Variants in KDM2A observed in about 807,000 individuals in gnomAD.
KDM2A encodes lysine demethylase 2A, also known as lysine-specific demethylase 2A.
A neutral mutation model predicts 137.3 loss-of-function variants in KDM2A; 3 were observed. That is an observed-to-expected ratio of 0.02 (90% CI 0.01 to 0.06). KDM2A has a LOEUF of 0.06. Among genes scored for constraint, KDM2A ranks in the 10% least tolerant of loss-of-function variants. KDM2A has a pLI of 1.00. For synonymous variants in KDM2A, 512 were observed against 541.5 expected, an observed-to-expected ratio of 0.95 and a Z score of 0.76; for missense variants, 738 against 1,510.6, an observed-to-expected ratio of 0.49 and a Z score of 8.48.
chr11:67,230,443 C>T (rs1021217979), intron 11 of KDM2A, among the ~76,000 whole-genome samples: 7 of 152,062 alleles, frequency 4.6e-5, no homozygotes, highest in South Asian at 4.1e-4. Flanking sequence ...GCCTGGGCAA[C>T]ATGACCAGAC....
intron 12 of KDM2A, chr11:67,240,066 A>G: frequency 7.6e-7 from 1 of 1,318,638 alleles, no homozygotes; most frequent in Non-Finnish European, 9.7e-7. Flanking sequence ...CATTTCTGGG[A>G]GCTGCATGTG....
intron 2 of KDM2A, among the ~76,000 whole-genome samples, chr11:67,151,998 G>C (rs1050284896): frequency 1.3e-5 from 2 of 152,048 alleles, no homozygotes; most frequent in African/African-American, 4.8e-5. Context: ...GTGATTTACT[G>C]GGTTAAATAA....
intron 2 of KDM2A, among the ~76,000 whole-genome samples, chr11:67,155,739 C>G (rs1270267401): frequency 5.3e-5 from 8 of 151,662 alleles, no homozygotes; most frequent in Admixed American, 5.3e-4. Flanking sequence ...GCCTCAGCCT[C>G]CTAAGTAGCT....
chr11:67,208,957 C>T (rs762179266), intron 6 of KDM2A, among the ~76,000 whole-genome samples: 7 of 150,888 alleles, frequency 4.6e-5, no homozygotes, highest in African/African-American at 7.3e-5. Flanking sequence ...TTTTTGAGGC[C>T]GAGTCTCACA....
chr11:67,217,157 G>A (rs529487068), intron 8 of KDM2A, among the ~76,000 whole-genome samples: 134 of 149,540 alleles, frequency 9.0e-4, no homozygotes, highest in African/African-American at 3.1e-3. Context: ...CAGGAGAATC[G>A]CTTGAACCCA....
chr11:67,143,020 C>CTTT (rs1194089199), intron 2 of KDM2A, among the ~76,000 whole-genome samples: 11 of 126,428 alleles, frequency 8.7e-5, no homozygotes, highest in African/African-American at 2.2e-4. Flanking sequence ...TATATCTATT[C>CTTT]TTTTTTTTTT....
intron 2 of KDM2A, among the ~76,000 whole-genome samples, chr11:67,154,305 CAG>C (rs746785377): frequency 2.8e-4 from 42 of 152,148 alleles, no homozygotes; most frequent in Admixed American, 2.0e-3. Flanking sequence ...ATTTGTGTAA[CAG>C]AAAATTAACC....
rs1302258855 is a variant in KDM2A at position 67,258,034 on chromosome 11, TG to T, written c.*2984del. ...TTTTAATTTAGGTTTTGTTTTTGTTTGGGGGTTTTTGTTTTTTTAAAAAAAT... is the reference window on the plus strand; with the variant it reads ...TTTTAATTTAGGTTTTGTTTTTGTTTGGGGTTTTTGTTTTTTTAAAAAAAT... On this transcript the variant is annotated 3_prime_UTR_variant, in exon 21 of 21. Coordinates refer to ENST00000529006, the MANE Select transcript of KDM2A (RefSeq NM_012308.3). 6.6e-6 allele frequency: 1 copy of T among 152,206 alleles called. No individual in the cohort carries two copies. Among genetic ancestry groups the T allele is most frequent in the Non-Finnish European group, 1.5e-5 (1 of 68,036 alleles). The allele number at this position is 152,206 out of a possible 1,614,324, so 9.4% of individuals were successfully genotyped here. A position where few individuals can be genotyped will look rare whatever the true frequency, so the allele number is the denominator to read the frequency against.
chr11:67,192,497 T>G (rs1366291493), intron 5 of KDM2A, among the ~76,000 whole-genome samples: 1 of 130,354 alleles, frequency 7.7e-6, no homozygotes, highest in African/African-American at 3.5e-5. Flanking sequence ...CTGACTGGAG[T>G]GCAGTGGCGT....
At chr11:67,129,084 A>G (rs1283920581) in intron 2 of KDM2A, among the ~76,000 whole-genome samples, 5 of 152,252 alleles carry the variant, frequency 3.3e-5, no homozygotes, top group African/African-American at 7.2e-5. Context: ...CCCTGTCTCT[A>G]AAAAAATGAA....
At chr11:67,152,162 A>C (rs2136307590) in intron 2 of KDM2A, among the ~76,000 whole-genome samples, 1 of 152,092 alleles carries the variant, frequency 6.6e-6, no homozygotes, top group South Asian at 2.1e-4. Context: ...TAAAAATACC[A>C]AAAAGCCAGG....
At chr11:67,184,446 G>A (rs1857158015) in intron 5 of KDM2A, among the ~76,000 whole-genome samples, 1 of 152,112 alleles carries the variant, frequency 6.6e-6, no homozygotes, top group South Asian at 2.1e-4. Flanking sequence ...TGACCAACAT[G>A]GTGAAACCCC....
intron 2 of KDM2A, among the ~76,000 whole-genome samples, chr11:67,154,485 C>T (rs963296653): frequency 2.6e-5 from 4 of 152,024 alleles, no homozygotes; most frequent in Admixed American, 1.3e-4. Context: ...TAGGCTGGAG[C>T]GCAATGGCGT....
chr11:67,213,479 C>T (rs563378166), intron 6 of KDM2A, among the ~76,000 whole-genome samples: 1 of 152,060 alleles, frequency 6.6e-6, no homozygotes, highest in South Asian at 2.1e-4. Context: ...AGATTCCTGG[C>T]CGGGCATGGT....
At chr11:67,204,260 A>G (rs917402857) in intron 5 of KDM2A, among the ~76,000 whole-genome samples, 4 of 152,088 alleles carry the variant, frequency 2.6e-5, no homozygotes, top group Non-Finnish European at 5.9e-5. Flanking sequence ...AGTGTCATCA[A>G]GTTTTTTCAC....
intron 2 of KDM2A, among the ~76,000 whole-genome samples, chr11:67,169,730 TC>T (rs1167579657): frequency 5.2e-5 from 5 of 96,152 alleles, no homozygotes; most frequent in African/African-American, 1.4e-4. Flanking sequence ...TCTCTCTCTC[TC>T]CTTCTCTCTC....
intron 5 of KDM2A, among the ~76,000 whole-genome samples, chr11:67,184,209 T>C (rs1277938780): frequency 6.6e-6 from 1 of 151,986 alleles, no homozygotes; most frequent in African/African-American, 2.4e-5. Flanking sequence ...AAAGGGCTAT[T>C]GTGGCCGGGT....
chr11:67,239,055 G>T (rs1441523173), intron 12 of KDM2A, among the ~76,000 whole-genome samples: 1 of 152,234 alleles, frequency 6.6e-6, no homozygotes, highest in African/African-American at 2.4e-5. Context: ...CTGTGAGAAG[G>T]CAGTGAGGTG....
chr11:67,240,828 C>T, intron 12 of KDM2A, among the ~76,000 whole-genome samples: 1 of 152,052 alleles, frequency 6.6e-6, no homozygotes, highest in Admixed American at 6.6e-5. Context: ...GGTTGAATGG[C>T]CCCAGCAAAA....
Sources: gnomAD v4.1 joint callset for allele counts (sites outside exome capture counted in the v4.1 genomes callset) on GRCh38, gnomAD v4.1.1 for gene constraint, MANE v1.5 for transcripts, NCBI Gene and HGNC (gene_info 2026-07-23, HGNC 2026-07-21) for gene names.